Variants in CDC14B observed in about 807,000 individuals in gnomAD.
The protein encoded by CDC14B is cell division cycle 14B.
Under a neutral mutation model 64.2 loss-of-function variants are expected in CDC14B, and 22 were observed. The ratio of observed to expected loss-of-function variants is 0.34; its 90% CI spans 0.24 to 0.49. The LOEUF (loss-of-function observed/expected upper bound fraction) is 0.49, where lower values mean the gene tolerates loss of function less well. Ranked by LOEUF, CDC14B falls within the 20% of genes least tolerant of loss-of-function variation. The pLI, the probability that CDC14B is intolerant of heterozygous loss-of-function variation, is 0.99. For missense variants in CDC14B, 498 were observed against 629.9 expected, an observed-to-expected ratio of 0.79 and a Z score of 2.24; for synonymous variants, 191 against 215.8, an observed-to-expected ratio of 0.89 and a Z score of 1.01.
In CDC14B at chr9:96,494,173, A is replaced by G. The variant is rs140823409; in HGVS notation, c.*81-921T>C. 4.5e-3 allele frequency among the ~76,000 whole-genome samples: 690 copies of G among 152,354 alleles called. 7 individuals carry two copies. Among genetic ancestry groups the G allele is most frequent in the African/African-American group, 0.016 (665 of 41,576 alleles). ...CTGGCTACTATTAGGGAAGGTAGAA[A>G]CTGAAACCAGATTCAGTCCCTGAGC... On this transcript the variant is annotated intron_variant and NMD_transcript_variant, in intron 13 of 13. Transcript: ENST00000474602.
chr9:96,584,203 G>T (rs568917561), intron 1 of CDC14B, among the ~76,000 whole-genome samples: 1 of 152,296 alleles, frequency 6.6e-6, no homozygotes, highest in South Asian at 2.1e-4. Flanking sequence ...ATGAACGACT[G>T]TTGAGTGGCA....
intron 5 of CDC14B, among the ~76,000 whole-genome samples, chr9:96,544,268 TAA>T (rs1840492749): frequency 6.6e-6 from 1 of 152,198 alleles, no homozygotes; most frequent in Non-Finnish European, 1.5e-5. Context: ...TTAAAAACTA[TAA>T]GTTATACATT....
chr9:96,509,578 C>G (rs745585502), intron 13 of CDC14B, 95 bp downstream of exon 13: 39 of 779,234 alleles, frequency 5.0e-5, no homozygotes, highest in South Asian at 4.9e-4. Context: ...TCTACTTTCT[C>G]CTAATTTCAT....
chr9:96,609,372 A>C (rs1213680070), intron 1 of CDC14B, among the ~76,000 whole-genome samples: 2 of 152,316 alleles, frequency 1.3e-5, no homozygotes, highest in East Asian at 3.9e-4. Context: ...ATAATGACTA[A>C]TTCTTTCATT....
exon 14 of CDC14B, chr9:96,492,858 G>A (rs1185135563): frequency 6.6e-6 from 1 of 152,340 alleles, no homozygotes; most frequent in Non-Finnish European, 1.5e-5. Flanking sequence ...GGAAGAGGCA[G>A]GCTGGACACA....
At chr9:96,599,380 T>A (rs1846282544) in intron 1 of CDC14B, among the ~76,000 whole-genome samples, 1 of 144,356 alleles carries the variant, frequency 6.9e-6, no homozygotes, top group South Asian at 2.2e-4. Context: ...AAACTCCGTT[T>A]AAAAAAAAAA....
At chr9:96,577,237 C>T (rs1402760727) in intron 1 of CDC14B, among the ~76,000 whole-genome samples, 6 of 140,062 alleles carry the variant, frequency 4.3e-5, no homozygotes, top group Admixed American at 3.0e-4. Flanking sequence ...GGTGACAGAG[C>T]GAGACTCCAT....
chr9:96,567,067 G>C (rs989160556), intron 1 of CDC14B: 220 of 1,037,812 alleles, frequency 2.1e-4, no homozygotes, highest in Non-Finnish European at 2.8e-4. Flanking sequence ...CCCACCTCCC[G>C]CTTTCTTTCC....
intron 1 of CDC14B, among the ~76,000 whole-genome samples, chr9:96,594,271 A>G (rs993969109): frequency 1.3e-5 from 2 of 152,200 alleles, no homozygotes; most frequent in African/African-American, 2.4e-5. Flanking sequence ...AGCTGAGTCC[A>G]GGGAAAATCA....
chr9:96,530,393 C>T lies in CDC14B; in HGVS notation c.946+3534G>A, dbSNP rs150342267. Among the ~76,000 whole-genome samples the T allele has an allele frequency of 2.1e-3, 319 of 150,442 alleles. 1 individual carries two copies. Among genetic ancestry groups the T allele is most frequent in the Non-Finnish European group, 3.9e-3 (265 of 67,718 alleles). ...CTGCAACCTCCACCTCCCAGATTCA[C>T]GCAATTCTCCTGCCTTAGCATGCGC... On this transcript the variant is annotated intron_variant, in intron 9 of 13. Coordinates refer to ENST00000375241, the MANE Select transcript of CDC14B (RefSeq NM_033331.4).
chr9:96,496,933 G>C (rs1833272214), downstream of CDC14B, among the ~76,000 whole-genome samples: 1 of 152,260 alleles, frequency 6.6e-6, no homozygotes, highest in Non-Finnish European at 1.5e-5. Context: ...TGGGGGCCTG[G>C]ACCGTCCGGT....
At chr9:96,592,901 A>G (rs1012051258) in intron 1 of CDC14B, among the ~76,000 whole-genome samples, 1 of 152,228 alleles carries the variant, frequency 6.6e-6, no homozygotes, top group Non-Finnish European at 1.5e-5. Context: ...TTAAATTTAA[A>G]AAAAGCCATT....
intron 3 of CDC14B, among the ~76,000 whole-genome samples, chr9:96,563,549 C>T (rs1281783807): frequency 6.6e-6 from 1 of 150,536 alleles, no homozygotes. Context: ...ACTTGGGAGG[C>T]TGAGGCAGGA....
chr9:96,499,296 G>A (rs2131197932), downstream of CDC14B, among the ~76,000 whole-genome samples: 1 of 152,326 alleles, frequency 6.6e-6, no homozygotes, highest in East Asian at 1.9e-4. Context: ...TGGGGGAACT[G>A]GGTAGAACTC....
At chr9:96,527,505 T>C (rs79849347) in intron 9 of CDC14B, among the ~76,000 whole-genome samples, 1 of 152,268 alleles carries the variant, frequency 6.6e-6, no homozygotes, top group Non-Finnish European at 1.5e-5. Context: ...TACAGCTCAG[T>C]AGCATTAAGT....
chr9:96,590,502 A>C (rs546311573), intron 1 of CDC14B, among the ~76,000 whole-genome samples: 1 of 152,324 alleles, frequency 6.6e-6, no homozygotes, highest in African/African-American at 2.4e-5. Flanking sequence ...TTTTGGTGGT[A>C]TAACCAGCAG....
chr9:96,619,247 G>C lies in CDC14B; in HGVS notation c.132C>G (p.Pro44=), dbSNP rs781206959. ...TGATGTCCAGGTACACGTCGTCCTG[G>C]GGGTCCCGGCGGCGCGGGTCTTGCT... ...STQQDPRRRD[P]QDDVYLDITD... The change falls in exon 1 of 14, where the codon CCC becomes CCG. Residue 44 remains proline (P), a synonymous_variant. Transcript: ENST00000375241. The C allele has an allele frequency of 2.9e-6, 4 of 1,358,602 alleles. No homozygotes were observed. In the South Asian group the frequency reaches 6.7e-5, roughly 23 times the overall value. 84.2% of individuals were successfully genotyped at this position (1,358,602 alleles called of 1,614,324 possible).
chr9:96,546,889 C>T (rs933093834), intron 5 of CDC14B, among the ~76,000 whole-genome samples: 8 of 151,864 alleles, frequency 5.3e-5, no homozygotes, highest in Non-Finnish European at 7.4e-5. Context: ...AGTGAAACCC[C>T]GTCTCTACTA....
At chr9:96,558,858 G>A (rs1167588755) in intron 4 of CDC14B, among the ~76,000 whole-genome samples, 1 of 152,166 alleles carries the variant, frequency 6.6e-6, no homozygotes. Context: ...AAAAGCTCAA[G>A]TCATCTTTTA....
Sources: gnomAD v4.1 joint callset for allele counts (sites outside exome capture counted in the v4.1 genomes callset) on GRCh38, gnomAD v4.1.1 for gene constraint, MANE v1.5 for transcripts, NCBI Gene and HGNC (gene_info 2026-07-23, HGNC 2026-07-21) for gene names.